SOX6: variants seen among roughly 807,000 people sequenced by gnomAD.
The protein encoded by SOX6 is SRY-box transcription factor 6.
SOX6 carries 11 observed loss-of-function variants against 97.8 expected under a neutral mutation model. The observed-to-expected ratio is 0.11, with a 90% confidence interval of 0.07 to 0.19. The LOEUF is 0.19. Among genes scored for constraint, SOX6 ranks in the 10% least tolerant of loss-of-function variants. The pLI is 1.00. For synonymous variants in SOX6, 360 were observed against 371.4 expected (o/e 0.97, Z 0.35); for missense variants, 810 against 1,039.5 (o/e 0.78, Z 3.04).
At chr11:16,436,843 C>A (rs1226544494) in intron 1 of SOX6, among the ~76,000 whole-genome samples, 2 of 152,134 alleles carry the variant, frequency 1.3e-5, no homozygotes, top group African/African-American at 4.8e-5. Flanking sequence ...CTCTTAAATT[C>A]AATATGCATG....
chr11:16,274,764 T>C (rs1053697201), intron 3 of SOX6, among the ~76,000 whole-genome samples: 1 of 152,200 alleles, frequency 6.6e-6, no homozygotes, highest in Non-Finnish European at 1.5e-5. Flanking sequence ...TGTTCATTCT[T>C]AAGTATTTTC....
intron 1 of SOX6, among the ~76,000 whole-genome samples, chr11:16,389,499 G>T (rs1858093741): frequency 6.6e-6 from 1 of 151,592 alleles, no homozygotes; most frequent in Non-Finnish European, 1.5e-5. Flanking sequence ...GTTTTTTTAA[G>T]TTCCCTTTGG....
intron 3 of SOX6, among the ~76,000 whole-genome samples, chr11:16,690,792 G>C (rs1266425537): frequency 6.6e-6 from 1 of 152,174 alleles, no homozygotes; most frequent in African/African-American, 2.4e-5. Context: ...TGTGGGCTGT[G>C]AGTATTAAAT....
chr11:16,142,917 A>G (rs1253603476), intron 6 of SOX6, among the ~76,000 whole-genome samples: 1 of 152,172 alleles, frequency 6.6e-6, no homozygotes, highest in Non-Finnish European at 1.5e-5. Context: ...ACCAAGTTGG[A>G]AAACACTCTG....
At chr11:16,341,401 T>A in intron 1 of SOX6, 149 bp from the exon 2 acceptor site, 2 of 1,082,398 alleles carry the variant, frequency 1.8e-6, no homozygotes, top group South Asian at 3.4e-5. Flanking sequence ...AAAGAACTCC[T>A]GGCTTATGTG....
intron 6 of SOX6, among the ~76,000 whole-genome samples, chr11:16,179,724 T>C (rs1417082550): frequency 1.3e-5 from 2 of 151,914 alleles, no homozygotes; most frequent in Non-Finnish European, 2.9e-5. Context: ...ATTGACTAAA[T>C]CATTGGCCCT....
intron 4 of SOX6, among the ~76,000 whole-genome samples, chr11:16,582,586 A>C (rs934524004): frequency 2.6e-5 from 4 of 152,098 alleles, no homozygotes; most frequent in African/African-American, 7.2e-5. Context: ...ATGTAAAATG[A>C]CAGAATTAGG....
Position 16,049,832 on chromosome 11 carries a change from G to T in SOX6, c.1358C>A (p.Thr453Asn). The stretch of plus-strand genomic sequence containing the variant: ...TTTGTTTGGCAGATTGACAGGGCTG[G>T]TTTTGCTGGCTGGGAAGAGGTTCTG... ...PTQNLFPASK[T>N]SPVNLPNKSS... Residue 453 changes from threonine to asparagine, a missense_variant, in exon 11 of 16, where the codon ACC becomes AAC. Physicochemically the swap from Thr to Asn is moderately conservative, Grantham distance 65. Coordinates refer to ENST00000683767, the MANE Select transcript of SOX6 (RefSeq NM_001367873.1). 1.2e-6 allele frequency: 2 copies of T among 1,613,744 alleles called. No homozygotes were observed. Among genetic ancestry groups the T allele is most frequent in the Non-Finnish European group, 8.5e-7 (1 of 1,179,802 alleles).
intron 3 of SOX6, among the ~76,000 whole-genome samples, chr11:16,652,113 TG>T (rs1216813298): frequency 5.3e-5 from 8 of 152,072 alleles, no homozygotes; most frequent in African/African-American, 1.9e-4. Context: ...AAATTATCAA[TG>T]ACATAAACAA....
chr11:16,034,856 T>C (rs1038482153), intron 12 of SOX6, among the ~76,000 whole-genome samples: 2 of 151,964 alleles, frequency 1.3e-5, no homozygotes, highest in African/African-American at 2.4e-5. Flanking sequence ...CACACTGAGA[T>C]AGACACACAG....
At chr11:16,687,895 C>T (rs1847981202) in intron 3 of SOX6, among the ~76,000 whole-genome samples, 1 of 152,122 alleles carries the variant, frequency 6.6e-6, no homozygotes, top group Non-Finnish European at 1.5e-5. Context: ...AATGTGAAGT[C>T]AATTATTATT....
chr11:16,287,225 G>A (rs1251825174), intron 3 of SOX6, among the ~76,000 whole-genome samples: 4 of 150,274 alleles, frequency 2.7e-5, no homozygotes, highest in African/African-American at 9.8e-5. Flanking sequence ...ATCTCTTCCT[G>A]TTAGTCTCTC....
At chr11:16,569,868 C>CAAAAAAAAAAAAGAAAAAAA (rs1847918417) in intron 4 of SOX6, among the ~76,000 whole-genome samples, 1 of 84,816 alleles carries the variant, frequency 1.2e-5, no homozygotes, top group Non-Finnish European at 2.1e-5. Context: ...GACTCCGTCT[C>CAAAAAAAAAAAAGAAAAAAA]AAAAAAAAAA....
Position 16,527,733 on chromosome 11 carries a change from G to A in SOX6, n.610-51345C>T, listed in dbSNP as rs75941866. ...TTGGAGAACAGCATGTCCCAGATAG[G>A]AGCTGCTCCTTCAATTTGAATCACA... On this transcript the variant is annotated intron_variant and non_coding_transcript_variant, in intron 4 of 5. Coordinates refer to the SOX6 transcript ENST00000524520. Among the ~76,000 whole-genome samples the A allele has an allele frequency of 3.4e-3, 516 of 152,200 alleles. 14 individuals carry two copies. The East Asian group carries it at 0.052, about 15-fold the overall frequency.
intron 1 of SOX6, chr11:16,402,690 T>A: frequency 6.2e-7 from 1 of 1,611,102 alleles, no homozygotes; most frequent in Non-Finnish European, 8.5e-7. Context: ...CTCCACCCAC[T>A]CCTGTTTCAC....
intron 1 of SOX6, among the ~76,000 whole-genome samples, chr11:16,421,593 C>T (rs756372411): frequency 4.6e-5 from 7 of 151,944 alleles, no homozygotes; most frequent in Admixed American, 1.3e-4. Context: ...CAGAAATAGC[C>T]GTAGTAATGA....
intron 3 of SOX6, among the ~76,000 whole-genome samples, chr11:16,288,761 G>A (rs1462719768): frequency 6.6e-6 from 1 of 151,778 alleles, no homozygotes; most frequent in Admixed American, 6.6e-5. Context: ...TCTCTATGTA[G>A]AAGTTATCCT....
intron 6 of SOX6, among the ~76,000 whole-genome samples, chr11:16,146,233 C>G (rs945866482): frequency 3.4e-4 from 52 of 152,070 alleles, no homozygotes; most frequent in Admixed American, 3.0e-3. Context: ...ACAAACCTGA[C>G]AAAAACAAGA....
chr11:16,467,290 T>C (rs919410274), intron 1 of SOX6, among the ~76,000 whole-genome samples: 1 of 152,176 alleles, frequency 6.6e-6, no homozygotes, highest in African/African-American at 2.4e-5. Context: ...TTACTGGGTA[T>C]GTACCCAAAG....
Sources: allele counts gnomAD v4.1 joint callset (sites outside exome capture counted in the v4.1 genomes callset), GRCh38; gene constraint gnomAD v4.1.1; transcripts MANE v1.5; gene names NCBI Gene and HGNC (gene_info 2026-07-23, HGNC 2026-07-21).